IL34: variants seen among roughly 807,000 people sequenced by gnomAD.
IL34 encodes the protein interleukin-34.
Under a neutral mutation model 25.3 loss-of-function variants are expected in IL34, and 17 were observed. That is an observed-to-expected ratio of 0.67 (90% CI 0.46 to 1.01). The LOEUF is 1.01. IL34 is among the 50% of genes least tolerant of loss of function. The pLI is 0.00. For missense variants in IL34, 368 were observed against 312.9 expected, an observed-to-expected ratio of 1.18 and a Z score of -1.33; for synonymous variants, 174 against 140.9, an observed-to-expected ratio of 1.23 and a Z score of -1.66.
At chr16:70,583,994 T>C (rs1242841165) in intron 1 of IL34, among the ~76,000 whole-genome samples, 1 of 152,150 alleles carries the variant, frequency 6.6e-6, no homozygotes, top group Non-Finnish European at 1.5e-5. Context: ...TCCAGGGTTC[T>C]GTACAATGTT....
chr16:70,648,146 C>T (rs1436651098), intron 1 of IL34, among the ~76,000 whole-genome samples: 1 of 152,134 alleles, frequency 6.6e-6, no homozygotes, highest in African/African-American at 2.4e-5. Context: ...GGGGTGGAAT[C>T]GTGATTGGGA....
chr16:70,580,285 A>C (rs1271027264), intron 1 of IL34, among the ~76,000 whole-genome samples: 1 of 152,226 alleles, frequency 6.6e-6, no homozygotes, highest in Admixed American at 6.5e-5. Context: ...TCAGCCTTGC[A>C]GGAAAAAGCC....
intron 1 of IL34, among the ~76,000 whole-genome samples, chr16:70,604,778 TC>T (rs1183047526): frequency 3.3e-5 from 5 of 152,134 alleles, no homozygotes; most frequent in Admixed American, 1.3e-4. Flanking sequence ...GCAGGATACT[TC>T]CAGTAGGCTA....
chr16:70,590,496 G>T (rs1232430005), intron 1 of IL34, among the ~76,000 whole-genome samples: 1 of 152,174 alleles, frequency 6.6e-6, no homozygotes, highest in African/African-American at 2.4e-5. Flanking sequence ...GACAAAAATT[G>T]TATATAACAA....
chr16:70,587,398 T>C (rs2050707300), intron 1 of IL34, among the ~76,000 whole-genome samples: 1 of 151,960 alleles, frequency 6.6e-6, no homozygotes, highest in Non-Finnish European at 1.5e-5. Flanking sequence ...GCCTCCCGAG[T>C]AGCTGGGACT....
At chr16:70,629,093 A>G (rs1002609181) in intron 1 of IL34, among the ~76,000 whole-genome samples, 1 of 152,202 alleles carries the variant, frequency 6.6e-6, no homozygotes, top group African/African-American at 2.4e-5. Context: ...TATTGTTTAT[A>G]GTAGTTTGTT....
chr16:70,608,768 C>T (rs946259731), intron 1 of IL34, among the ~76,000 whole-genome samples: 1 of 152,208 alleles, frequency 6.6e-6, no homozygotes, highest in African/African-American at 2.4e-5. Context: ...TGGAGAGGCA[C>T]CTGGGGCTCA....
intron 1 of IL34, among the ~76,000 whole-genome samples, chr16:70,631,332 T>C (rs1453773230): frequency 6.6e-6 from 1 of 152,164 alleles, no homozygotes; most frequent in Non-Finnish European, 1.5e-5. Context: ...TTGGTTTGAT[T>C]CTCTTCGAGA....
intron 1 of IL34, among the ~76,000 whole-genome samples, chr16:70,606,004 A>G (rs2050998592): frequency 6.8e-6 from 1 of 147,250 alleles, no homozygotes; most frequent in African/African-American, 2.5e-5. Context: ...ACAATGCTGA[A>G]TAAAAGGAGT....
chr16:70,649,810 A>ATTTTTAT (rs1176882976), intron 1 of IL34, among the ~76,000 whole-genome samples: 51 of 151,436 alleles, frequency 3.4e-4, no homozygotes, highest in African/African-American at 1.1e-3. Flanking sequence ...TTTTATTTTT[A>ATTTTTAT]TTTTTTGAGA....
rs77101515 is a variant in IL34 at position 70,605,969 on chromosome 16, GTTTTTT to G, written c.-401+25938_-401+25943del. 4.7e-3 allele frequency among the ~76,000 whole-genome samples: 580 copies of G among 123,200 alleles called. 3 individuals are homozygous for G. Among genetic ancestry groups the G allele is most frequent in the African/African-American group, 0.017 (552 of 32,138 alleles). 80.8% of individuals were successfully genotyped at this position (123,200 alleles called of 152,430 possible). A position where few individuals can be genotyped will look rare whatever the true frequency, so the allele number is the denominator to read the frequency against. On this transcript the variant is annotated intron_variant, in intron 1 of 6. Transcript: ENST00000429149. The stretch of plus-strand genomic sequence containing the variant: ...TTACAGGCGTGAGCCACCGCACCTG[GTTTTTT>G]TTTTTTTTTTTTTTTTTAACAATGC...
intron 1 of IL34, among the ~76,000 whole-genome samples, chr16:70,633,129 T>C (rs1272932489): frequency 6.6e-6 from 1 of 152,098 alleles, no homozygotes; most frequent in Non-Finnish European, 1.5e-5. Context: ...CATGCCTGGC[T>C]AATTTTTGTA....
rs2052373719 is a variant in IL34, at chr16:70,660,300, C to T, written c.*113C>T. 3.1e-6 allele frequency: 3 copies of T among 977,742 alleles called. No individual in the cohort carries two copies. In the Admixed American group the frequency reaches 9.8e-5, roughly 32 times the overall value. 60.6% of individuals were successfully genotyped at this position (977,742 alleles called of 1,614,324 possible). On this transcript the variant is annotated 3_prime_UTR_variant, in exon 6 of 6. Coordinates refer to ENST00000288098, the MANE Select transcript of IL34 (RefSeq NM_001393494.1). Reference sequence around the variant, plus strand: ...GGGAGCCCCCCTTGGGAGAGGACCCCTGGGAAGGGTGTTTTTCCTTTGAGG... The same window carrying T: ...GGGAGCCCCCCTTGGGAGAGGACCCTTGGGAAGGGTGTTTTTCCTTTGAGG...
Position 70,648,794 on chromosome 16 carries a change from G to A in IL34, c.28+1819G>A, listed in dbSNP as rs1025668883. 7.2e-5 allele frequency among the ~76,000 whole-genome samples: 11 copies of A among 152,174 alleles called. No individual in the cohort carries two copies. In the East Asian group the frequency reaches 9.7e-4, roughly 13 times the overall value. On this transcript the variant is annotated intron_variant, in intron 1 of 5. Coordinates refer to ENST00000288098, the MANE Select transcript of IL34 (RefSeq NM_001393494.1). ...TGGCTTAGAGCAACAGGAATGTGTC[G>A]TCTCACAGTTCTGGAGACCGGAAGT...
intron 1 of IL34, among the ~76,000 whole-genome samples, chr16:70,588,251 T>C (rs2050716438): frequency 6.6e-6 from 1 of 151,974 alleles, no homozygotes; most frequent in South Asian, 2.1e-4. Context: ...TTTGGGAGGC[T>C]GAGGTGGGTG....
In IL34 at chr16:70,659,655, C is replaced by G; in HGVS notation, c.440C>G (p.Ser147Cys). The change falls in exon 5 of 6, where the codon TCC becomes TGC. Residue 147 changes from serine to cysteine, a missense_variant. Coordinates refer to ENST00000288098, the MANE Select transcript of IL34 (RefSeq NM_001393494.1). ...AGCCCCAAGGTGGAATCCGTGTTGT[C>G]CCTCTTGAATGCCCCAGGGCCAAAC... The part of the protein sequence containing the change: ...EVSPKVESVL[S>C]LLNAPGPNLK... 1 of 1,612,904 alleles carries G rather than the reference C, an allele frequency of 6.2e-7. No individual in the cohort carries two copies. Among genetic ancestry groups the G allele is most frequent in the Non-Finnish European group, 8.5e-7 (1 of 1,179,424 alleles).
chr16:70,615,926 G>A (rs983454609), intron 1 of IL34, among the ~76,000 whole-genome samples: 8 of 152,100 alleles, frequency 5.3e-5, no homozygotes, highest in Non-Finnish European at 8.8e-5. Context: ...GCACTCCAGC[G>A]TGGGTGACAG....
upstream of IL34, among the ~76,000 whole-genome samples, chr16:70,642,414 C>T (rs1377200800): frequency 6.6e-6 from 1 of 151,340 alleles, no homozygotes; most frequent in Non-Finnish European, 1.5e-5. Flanking sequence ...TCTCCTGCCT[C>T]AGCCTCCTGA....
intron 1 of IL34, among the ~76,000 whole-genome samples, chr16:70,611,302 T>C (rs753272515): frequency 2.0e-5 from 3 of 152,118 alleles, no homozygotes; most frequent in Non-Finnish European, 2.9e-5. Flanking sequence ...CGCTCTTGTA[T>C]CCACTTCCTA....
Sources: allele counts gnomAD v4.1 joint callset (sites outside exome capture counted in the v4.1 genomes callset), GRCh38; gene constraint gnomAD v4.1.1; transcripts MANE v1.5; gene names NCBI Gene and HGNC (gene_info 2026-07-23, HGNC 2026-07-21).